The following NUBPL variants were observed in gnomAD, a reference collection of about 807,000 sequenced individuals.
The protein encoded by NUBPL is NUBP iron-sulfur cluster assembly factor, mitochondrial, also known as iron-sulfur cluster transfer protein NUBPL.
In NUBPL, 31 loss-of-function variants were observed where a neutral mutation model predicts 45.7. That is an observed-to-expected ratio of 0.68 (90% CI 0.51 to 0.92). The LOEUF (loss-of-function observed/expected upper bound fraction) is 0.92. NUBPL is among the 40% of genes least tolerant of loss of function. The pLI is 0.00. For missense variants in NUBPL, 401 were observed against 398.7 expected, an observed-to-expected ratio of 1.01 and a Z score of -0.05; for synonymous variants, 144 against 140.9, an observed-to-expected ratio of 1.02 and a Z score of -0.15.
intron 7 of NUBPL, among the ~76,000 whole-genome samples, chr14:31,791,379 T>C (rs1036252629): frequency 6.6e-6 from 1 of 152,222 alleles, no homozygotes; most frequent in African/African-American, 2.4e-5. Context: ...ATATGCAAGG[T>C]AAATGCCTAG....
chr14:31,682,487 T>C (rs955131927), intron 6 of NUBPL, among the ~76,000 whole-genome samples: 1 of 152,188 alleles, frequency 6.6e-6, no homozygotes, highest in African/African-American at 2.4e-5. Flanking sequence ...TGCCTTTTAA[T>C]TGGAATGCTT....
At chr14:31,722,785 G>GT (rs2037840847) in intron 6 of NUBPL, among the ~76,000 whole-genome samples, 6 of 151,380 alleles carry the variant, frequency 4.0e-5, no homozygotes, top group Admixed American at 3.3e-4. Context: ...TAATGGGGTT[G>GT]GTTTTTTTTC....
At chr14:31,666,093 C>T (rs2036404159) in intron 4 of NUBPL, among the ~76,000 whole-genome samples, 1 of 150,080 alleles carries the variant, frequency 6.7e-6, no homozygotes, top group Non-Finnish European at 1.5e-5. Context: ...ATTCCTCCAT[C>T]CCTTTATTTT....
intron 3 of NUBPL, among the ~76,000 whole-genome samples, chr14:31,596,050 G>T (rs2034274795): frequency 6.6e-6 from 1 of 151,864 alleles, no homozygotes; most frequent in Non-Finnish European, 1.5e-5. Flanking sequence ...GGGACCACAG[G>T]TGCCCGCCAG....
chr14:31,778,192 A>C (rs2039129897), intron 6 of NUBPL, among the ~76,000 whole-genome samples: 1 of 152,230 alleles, frequency 6.6e-6, no homozygotes, highest in South Asian at 2.1e-4. Context: ...GTCTGTGGCC[A>C]GATCTCCTGG....
At chr14:31,700,711 C>A (rs1191942238) in intron 6 of NUBPL, among the ~76,000 whole-genome samples, 1 of 152,166 alleles carries the variant, frequency 6.6e-6, no homozygotes, top group Non-Finnish European at 1.5e-5. Context: ...GGAGGGTGCG[C>A]TGGGTCCTCC....
intron 4 of NUBPL, chr14:31,668,030 G>T (rs1443204012): frequency 6.5e-6 from 1 of 152,876 alleles, no homozygotes; most frequent in Non-Finnish European, 1.5e-5. Context: ...AGGCACAGGT[G>T]TCAGGGACCC....
At chr14:31,802,186 T>C (rs1174108789) in intron 7 of NUBPL, among the ~76,000 whole-genome samples, 1 of 151,822 alleles carries the variant, frequency 6.6e-6, no homozygotes, top group Middle Eastern at 3.2e-3. Context: ...AGGGAGGGAG[T>C]TCTCTCCAGA....
chr14:31,563,817 A>G (rs1268226081), intron 2 of NUBPL, among the ~76,000 whole-genome samples: 1 of 152,230 alleles, frequency 6.6e-6, no homozygotes, highest in East Asian at 1.9e-4. Context: ...TGTGTAACCT[A>G]TCTTGTACCT....
At chr14:31,747,928 G>A (rs2038436836) in intron 6 of NUBPL, among the ~76,000 whole-genome samples, 1 of 151,874 alleles carries the variant, frequency 6.6e-6, no homozygotes, top group Admixed American at 6.6e-5. Flanking sequence ...TTTTTATACA[G>A]GTGTTTCTTG....
intron 6 of NUBPL, among the ~76,000 whole-genome samples, chr14:31,715,496 A>G (rs1192535394): frequency 6.6e-6 from 1 of 152,234 alleles, no homozygotes; most frequent in Non-Finnish European, 1.5e-5. Context: ...GGCATAGCCT[A>G]TTGCTCCTAG....
At chr14:31,747,626 A>T (rs1429298405) in intron 6 of NUBPL, among the ~76,000 whole-genome samples, 1 of 151,838 alleles carries the variant, frequency 6.6e-6, no homozygotes, top group Non-Finnish European at 1.5e-5. Flanking sequence ...GTCTTTAATG[A>T]TCCTTTGTAT....
intron 10 of NUBPL, among the ~76,000 whole-genome samples, chr14:31,852,555 C>T (rs1331222479): frequency 1.3e-5 from 2 of 152,096 alleles, no homozygotes; most frequent in Admixed American, 6.6e-5. Flanking sequence ...CCTCTAATCC[C>T]GGCTACTTGG....
At chr14:31,622,911 G>T (rs959048312) in intron 4 of NUBPL, among the ~76,000 whole-genome samples, 2 of 152,190 alleles carry the variant, frequency 1.3e-5, no homozygotes, top group African/African-American at 4.8e-5. Context: ...ATGAGAAGAG[G>T]GCTACTGTCC....
At chr14:31,829,723 G>A (rs189370706) in intron 8 of NUBPL, among the ~76,000 whole-genome samples, 6 of 152,156 alleles carry the variant, frequency 3.9e-5, no homozygotes, top group East Asian at 1.9e-4. Flanking sequence ...GGAATTCATC[G>A]GTATGGACAG....
intron 3 of NUBPL, among the ~76,000 whole-genome samples, chr14:31,583,129 G>C (rs2033906692): frequency 6.6e-6 from 1 of 152,188 alleles, no homozygotes; most frequent in Non-Finnish European, 1.5e-5. Context: ...AGATAGGGAA[G>C]ATGGAAGCCA....
At chr14:31,813,536 T>TATAC (rs370708859) in intron 7 of NUBPL, among the ~76,000 whole-genome samples, 128 of 149,542 alleles carry the variant, frequency 8.6e-4, no homozygotes, top group African/African-American at 3.0e-3. Flanking sequence ...CATACATCCA[T>TATAC]ACACACACAC....
intron 8 of NUBPL, among the ~76,000 whole-genome samples, chr14:31,828,427 G>A (rs2040138529): frequency 6.6e-6 from 1 of 152,132 alleles, no homozygotes; most frequent in African/African-American, 2.4e-5. Flanking sequence ...AGTGCCAATT[G>A]TCTATTAAGA....
chr14:31,693,599 A>G (rs1481655678), intron 6 of NUBPL, among the ~76,000 whole-genome samples: 2 of 152,080 alleles, frequency 1.3e-5, no homozygotes, highest in East Asian at 3.8e-4. Context: ...TGCATTAACT[A>G]TAGGTGAAGT....
Sources: allele counts gnomAD v4.1 joint callset (sites outside exome capture counted in the v4.1 genomes callset), GRCh38; gene constraint gnomAD v4.1.1; transcripts MANE v1.5; gene names NCBI Gene and HGNC (gene_info 2026-07-23, HGNC 2026-07-21).